COL5A2: variants seen among roughly 807,000 people sequenced by gnomAD.
COL5A2 encodes the protein collagen alpha-2(V) chain.
Under a neutral mutation model 208.2 loss-of-function variants are expected in COL5A2, and 23 were observed. That is an observed-to-expected ratio of 0.11 (90% CI 0.08 to 0.16). The LOEUF is 0.16. COL5A2 is among the 10% of genes least tolerant of loss of function. COL5A2 has a pLI of 1.00. For missense variants in COL5A2, 1,590 were observed against 1,956.4 expected (o/e 0.81, Z 3.53); for synonymous variants, 625 against 628.5 (o/e 0.99, Z 0.08).
At chr2:189,415,081 T>G in the COL5A2 span, among the ~76,000 whole-genome samples, 6 of 152,142 alleles carry the variant, frequency 3.9e-5, no homozygotes, top group Non-Finnish European at 7.4e-5. Flanking sequence ...TCTCTTAAGT[T>G]AAAAACTTAA....
chr2:189,439,997 A>G, the COL5A2 span, among the ~76,000 whole-genome samples: 1 of 152,244 alleles, frequency 6.6e-6, no homozygotes. Context: ...GATATTTTAC[A>G]CTCCATCCAC....
chr2:189,061,753 C>T, intron 29 of COL5A2, 138 bp from the exon 30 acceptor site: 1 of 719,578 alleles, frequency 1.4e-6, no homozygotes, highest in Admixed American at 2.1e-5. Flanking sequence ...AGGTAATAAA[C>T]TAGTATTAAT....
the COL5A2 span, among the ~76,000 whole-genome samples, chr2:189,314,866 C>T: frequency 6.6e-6 from 1 of 152,092 alleles, no homozygotes; most frequent in Non-Finnish European, 1.5e-5. Context: ...ATACACCCTC[C>T]TACGACTGAA....
At chr2:189,405,590 T>C in the COL5A2 span, among the ~76,000 whole-genome samples, 186 of 152,194 alleles carry the variant, frequency 1.2e-3, no homozygotes, top group Non-Finnish European at 2.3e-3. Context: ...TATTGCATTC[T>C]GTAGACTATT....
chr2:189,184,219 T>C (rs918383294), upstream of COL5A2, among the ~76,000 whole-genome samples: 1 of 151,966 alleles, frequency 6.6e-6, no homozygotes, highest in Non-Finnish European at 1.5e-5. Context: ...AATAGTGCCA[T>C]TGGGAAAGAT....
chr2:189,264,624 G>A, the COL5A2 span, among the ~76,000 whole-genome samples: 3 of 151,916 alleles, frequency 2.0e-5, no homozygotes, highest in East Asian at 1.9e-4. Context: ...GTATAATCAC[G>A]AATAGCTTCA....
chr2:189,282,115 G>A, the COL5A2 span, among the ~76,000 whole-genome samples: 1 of 152,140 alleles, frequency 6.6e-6, no homozygotes, highest in Non-Finnish European at 1.5e-5. Flanking sequence ...GAACCCTGGA[G>A]GCAGAGGTGG....
chr2:189,312,106 C>T, the COL5A2 span: 1 of 813,114 alleles, frequency 1.2e-6, no homozygotes, highest in Non-Finnish European at 2.2e-6. Context: ...GCATTGTCCA[C>T]AGCATTTGCG....
rs773332771 is a variant in COL5A2 at position 189,063,265 on chromosome 2, C to T, written c.1776G>A (p.Ala592=). The T allele has an allele frequency of 1.7e-5, 27 of 1,613,474 alleles. No homozygotes were observed. The highest frequency in any genetic ancestry group is 2.7e-5 in the African/African-American group (2 of 74,916). ...GPEGKLGPLG[A]PGEDGRPGPP... is the part of the protein sequence containing the mutation. ...GACCTGGACGGCCATCTTCCCCTGG[C>T]GCACCCTATAGAATTGACAGGAGCC... Residue 592 remains alanine, a synonymous_variant, in exon 27 of 54, where the codon GCG becomes GCA. Transcript: ENST00000374866.
chr2:189,062,805 G>C, intron 29 of COL5A2, 60 bp downstream of exon 29: 1 of 1,598,370 alleles, frequency 6.3e-7, no homozygotes, highest in Non-Finnish European at 8.6e-7. Context: ...AAACATCATC[G>C]AAAAAATGCA....
At chr2:189,174,037 A>C (rs1304558752) in intron 1 of COL5A2, among the ~76,000 whole-genome samples, 1 of 152,248 alleles carries the variant, frequency 6.6e-6, no homozygotes, top group East Asian at 1.9e-4. Context: ...GTGATGATGC[A>C]TTAATCATTC....
chr2:189,205,801 A>G (rs1689136648), intron 1 of COL5A2, among the ~76,000 whole-genome samples: 1 of 152,232 alleles, frequency 6.6e-6, no homozygotes, highest in South Asian at 2.1e-4. Flanking sequence ...AGAAGCAAAA[A>G]TAATGATTTT....
intron 30 of COL5A2, among the ~76,000 whole-genome samples, 153 bp from the exon 31 acceptor site, chr2:189,060,936 T>C (rs1297231669): frequency 6.6e-6 from 1 of 152,092 alleles, no homozygotes; most frequent in African/African-American, 2.4e-5. Flanking sequence ...AAAATATTGT[T>C]CAGAAGCATT....
the COL5A2 span, among the ~76,000 whole-genome samples, chr2:189,241,642 CA>C: frequency 6.6e-6 from 1 of 152,170 alleles, no homozygotes; most frequent in African/African-American, 2.4e-5. Flanking sequence ...ACCATGATCA[CA>C]CCCCTGTACT....
intron 1 of COL5A2, among the ~76,000 whole-genome samples, chr2:189,144,682 A>G (rs1688004758): frequency 6.6e-6 from 1 of 152,084 alleles, no homozygotes; most frequent in African/African-American, 2.4e-5. Context: ...AACTGGGAAG[A>G]TGATAAGTGC....
chr2:189,130,704 T>A (rs1035539658), intron 1 of COL5A2, among the ~76,000 whole-genome samples: 10 of 152,068 alleles, frequency 6.6e-5, no homozygotes, highest in African/African-American at 2.4e-4. Context: ...TCTACACAGA[T>A]AAGTTTCCAT....
chr2:189,435,373 A>G, the COL5A2 span, among the ~76,000 whole-genome samples: 2 of 152,228 alleles, frequency 1.3e-5, no homozygotes, highest in Non-Finnish European at 2.9e-5. Flanking sequence ...AGAAACGACC[A>G]TCAGAGTGAA....
At chr2:189,323,322 G>T in the COL5A2 span, among the ~76,000 whole-genome samples, 1 of 152,066 alleles carries the variant, frequency 6.6e-6, no homozygotes, top group Admixed American at 6.5e-5. Context: ...TCTGGCCAAG[G>T]CAATGAGGCA....
intron 1 of COL5A2, among the ~76,000 whole-genome samples, chr2:189,196,398 A>G (rs1689000966): frequency 6.8e-6 from 1 of 146,742 alleles, no homozygotes; most frequent in African/African-American, 2.5e-5. Flanking sequence ...ATTCTGCTTG[A>G]CATTTTCTGA....
Sources: gnomAD v4.1 joint callset for allele counts (sites outside exome capture counted in the v4.1 genomes callset) on GRCh38, gnomAD v4.1.1 for gene constraint, MANE v1.5 for transcripts, NCBI Gene and HGNC (gene_info 2026-07-23, HGNC 2026-07-21) for gene names.